The following MGAM variants were observed in gnomAD, a reference collection of about 807,000 sequenced individuals.
MGAM encodes maltase-glucoamylase, also known as alpha-1,4-glucosidase.
In MGAM, 253 loss-of-function variants were observed where a neutral mutation model predicts 358.8. The observed-to-expected ratio is 0.71, with a 90% CI of 0.64 to 0.78. The LOEUF is 0.78. Among genes scored for constraint, MGAM ranks in the 30% least tolerant of loss-of-function variants. The probability of loss-of-function intolerance (pLI) is 0.00; values close to 1 mark genes in which losing one functional copy is unlikely to be tolerated. For missense variants in MGAM, 3,080 were observed against 3,432.6 expected (o/e 0.90, Z 2.57); for synonymous variants, 1,105 against 1,227.1 (o/e 0.90, Z 2.08).
At position 142,095,616 on chromosome 7, in the gene MGAM, G is replaced by A. The variant is rs773232506; in HGVS notation, c.7510G>A (p.Val2504Ile). The change falls in exon 64 of 71, where the codon GTC becomes ATC. Residue 2504 changes from valine to isoleucine, a missense_variant. Transcript: ENST00000475668. ...DVAFVNISRTVLQTRYTLLPY... is the reference protein window; with the variant it reads ...DVAFVNISRTILQTRYTLLPY... ...TGCTTTTGTGAATATTTCCAGAACT[G>A]TCCTGCAGACCAGATACACCCTGTT... 1 of 1,613,820 alleles carries A rather than the reference G, an allele frequency of 6.2e-7. No individual in the cohort carries two copies. The highest frequency in any genetic ancestry group is 1.7e-5 in the Admixed American group (1 of 60,020).
chr7:142,057,004 A>T, intron 30 of MGAM, 62 bp downstream of exon 30: 1 of 1,485,824 alleles, frequency 6.7e-7, no homozygotes, highest in Non-Finnish European at 9.3e-7. Flanking sequence ...GCCAGAGTCC[A>T]CATTGATTAG....
chr7:142,075,738 G>A (rs1300942043), intron 45 of MGAM, among the ~76,000 whole-genome samples: 1 of 146,016 alleles, frequency 6.8e-6, no homozygotes, highest in African/African-American at 2.4e-5. Context: ...ACAGCGAGAT[G>A]TCACCTCACA....
chr7:142,092,665 T>G, intron 59 of MGAM, 57 bp downstream of exon 59: 1 of 1,427,750 alleles, frequency 7.0e-7, no homozygotes, highest in African/African-American at 1.4e-5. Flanking sequence ...AGGATTACAC[T>G]GGAGGAGCCC....
At chr7:141,999,444 A>C (rs1804554804) in intron 1 of MGAM, among the ~76,000 whole-genome samples, 1 of 152,216 alleles carries the variant, frequency 6.6e-6, no homozygotes. Flanking sequence ...TCCAAAGGGC[A>C]GGTGTTCAAA....
chr7:142,074,035 G>T (rs1469260668), intron 44 of MGAM, 50 bp from the exon 45 acceptor site: 1 of 1,303,066 alleles, frequency 7.7e-7, no homozygotes, highest in Non-Finnish European at 1.1e-6. Context: ...AGCCCAGTTG[G>T]CAAAATTGTC....
chr7:142,068,660 T>C lies in MGAM; in HGVS notation c.5018T>C (p.Val1673Ala). The C allele has an allele frequency of 1.3e-6, 2 of 1,539,790 alleles. 1 individual carries two copies. The highest frequency in any genetic ancestry group is 4.6e-5 in the East Asian group (2 of 43,910). ...GTTTCATTTTAGAATGCCAGAAATG[T>C]CACTGCATATTTCCCTAGAGCCCGT... ...SPVLERNARN[V>A]TAYFPRARWY... Residue 1673 changes from valine (V) to alanine (A), a missense_variant, in exon 43 of 71, where the codon GTC becomes GCC. Around this residue, in one of 5 missense-constraint regions of MGAM, gnomAD observed 932 missense variants for 1,198.2 expected, o/e 0.78. Coordinates refer to ENST00000475668, the MANE Select transcript of MGAM (RefSeq NM_001365693.1).
At chr7:142,023,446 T>TATATAC (rs1554459786) in intron 7 of MGAM, among the ~76,000 whole-genome samples, 2 of 150,668 alleles carry the variant, frequency 1.3e-5, no homozygotes, top group African/African-American at 4.9e-5. Context: ...TATATATATA[T>TATATAC]ACACACACAC....
intron 22 of MGAM, among the ~76,000 whole-genome samples, chr7:142,049,070 C>G (rs945390887): frequency 5.9e-5 from 9 of 152,226 alleles, no homozygotes; most frequent in Middle Eastern, 3.4e-3. Context: ...TCTAGGAGCT[C>G]AACTTTTTTA....
chr7:142,024,452 C>G (rs542725205), intron 7 of MGAM, among the ~76,000 whole-genome samples: 1 of 151,786 alleles, frequency 6.6e-6, no homozygotes, highest in Admixed American at 6.6e-5. Context: ...ACTAAAATGC[C>G]CATGTAGTTT....
chr7:142,097,386 A>G (rs1015028600), intron 65 of MGAM, among the ~76,000 whole-genome samples: 1 of 151,966 alleles, frequency 6.6e-6, no homozygotes, highest in African/African-American at 2.4e-5. Context: ...AAAGTGCTTT[A>G]TGAAAGCCAC....
chr7:142,093,515 C>T lies in MGAM; in HGVS notation c.7137C>T (p.Asn2379=). 2.0e-6 allele frequency: 3 copies of T among 1,506,456 alleles called. 1 individual carries two copies. Among genetic ancestry groups the T allele is most frequent in the Non-Finnish European group, 2.7e-6 (3 of 1,106,978 alleles). 93.3% of individuals were successfully genotyped at this position (1,506,456 alleles called of 1,614,324 possible). ...GSPVQHYNVH[N]LYGWSQTRPT... Reference sequence around the variant, plus strand: ...CGGTGCAGCACTACAATGTGCACAACCTGTACGGGTGGTCCCAGACCAGAC... The same window carrying T: ...CGGTGCAGCACTACAATGTGCACAATCTGTACGGGTGGTCCCAGACCAGAC... Residue 2379 remains asparagine (N), a synonymous_variant, in exon 60 of 71, where the codon AAC becomes AAT. Coordinates refer to ENST00000475668, the MANE Select transcript of MGAM (RefSeq NM_001365693.1).
At chr7:142,019,787 G>A (rs1264022157) in intron 4 of MGAM, among the ~76,000 whole-genome samples, 3 of 152,194 alleles carry the variant, frequency 2.0e-5, no homozygotes, top group Non-Finnish European at 2.9e-5. Context: ...GCAAAGCATA[G>A]GCCAGGCACA....
intron 21 of MGAM, among the ~76,000 whole-genome samples, chr7:142,045,376 A>G (rs1417763453): frequency 1.1e-5 from 1 of 93,496 alleles, no homozygotes; most frequent in African/African-American, 3.9e-5. Context: ...AATATATATT[A>G]TATATCCCTA....
intron 2 of MGAM, among the ~76,000 whole-genome samples, chr7:141,986,647 A>G (rs976062154): frequency 6.6e-6 from 1 of 152,200 alleles, no homozygotes; most frequent in African/African-American, 2.4e-5. Context: ...TTATAGGGGA[A>G]AATTTCTGCA....
rs759126368 is a variant in MGAM, at chr7:142,087,557, G to T, written c.6810+840G>T. Among the ~76,000 whole-genome samples, 14 of 146,110 alleles carry T rather than the reference G, an allele frequency of 9.6e-5. 1 individual carries two copies. The highest frequency in any genetic ancestry group is 1.9e-4 in the Non-Finnish European group (12 of 64,556). ...GGGCTTCCTGGAGACCAAGTACCTT[G>T]CCCTACCTCTGGAGCTGTTCTTCAA... On this transcript the variant is annotated intron_variant, in intron 57 of 70. Transcript: ENST00000475668.
intron 21 of MGAM, among the ~76,000 whole-genome samples, chr7:142,045,243 T>A (rs1210386426): frequency 0.025 from 660 of 26,344 alleles, 18 homozygotes; most frequent in Middle Eastern, 0.062. Flanking sequence ...ATATATCATA[T>A]AATATATGAT....
chr7:142,088,922 T>C (rs1330181550), intron 57 of MGAM, among the ~76,000 whole-genome samples: 1 of 143,714 alleles, frequency 7.0e-6, no homozygotes, highest in Non-Finnish European at 1.6e-5. Context: ...CAAATCCCTC[T>C]TCTGTCTATC....
intron 21 of MGAM, among the ~76,000 whole-genome samples, chr7:142,041,944 A>G (rs1427789756): frequency 1.8e-4 from 3 of 16,450 alleles, no homozygotes; most frequent in African/African-American, 4.9e-4. Context: ...TATATTATAT[A>G]TATACATATA....
chr7:142,060,256 A>T (rs1812004317), intron 33 of MGAM, 55 bp from the exon 34 acceptor site: 1 of 1,590,988 alleles, frequency 6.3e-7, no homozygotes, highest in Non-Finnish European at 8.6e-7. Flanking sequence ...ATTAGGAAAT[A>T]CTATGTAAGG....
Sources: allele counts gnomAD v4.1 joint callset (sites outside exome capture counted in the v4.1 genomes callset), GRCh38; gene constraint gnomAD v4.1.1; regional missense constraint gnomAD v4.1.1; transcripts MANE v1.5; gene names NCBI Gene and HGNC (gene_info 2026-07-23, HGNC 2026-07-21).